Variants in ADRA1A observed in about 807,000 individuals in gnomAD.
The protein encoded by ADRA1A is alpha-1A adrenergic receptor.
A neutral mutation model predicts 29.6 loss-of-function variants in ADRA1A; 31 were observed. The observed-to-expected ratio is 1.05, with a 90% CI of 0.79 to 1.41. The LOEUF (loss-of-function observed/expected upper bound fraction) is 1.41. ADRA1A is among the 40% of genes most tolerant of loss of function. ADRA1A has a pLI of 0.00. For synonymous variants in ADRA1A, 311 were observed against 254.3 expected (o/e 1.22, Z -2.12); for missense variants, 619 against 601.1 (o/e 1.03, Z -0.31).
chr8:26,830,504 C>T (rs976332365), intron 2 of ADRA1A, among the ~76,000 whole-genome samples: 7 of 152,118 alleles, frequency 4.6e-5, no homozygotes, highest in Non-Finnish European at 8.8e-5. Context: ...AAAGATGACA[C>T]CCTGAAGCCA....
Position 26,790,594 on chromosome 8 carries a change from G to T in ADRA1A, c.884-19928C>A, listed in dbSNP as rs555080162. Among the ~76,000 whole-genome samples the T allele has an allele frequency of 2.6e-5, 4 of 152,230 alleles. No homozygotes were observed. In the East Asian group the frequency reaches 7.7e-4, roughly 29 times the overall value. On this transcript the variant is annotated intron_variant, in intron 2 of 2. Coordinates refer to ENST00000380573, the MANE Select transcript of ADRA1A (RefSeq NM_000680.4). ...GTTGTGATATATTGTTGGATGGCTA[G>T]AACAGTTTGAATGTTTCCAACACAA...
At chr8:26,845,407 A>G (rs577136692) in intron 2 of ADRA1A, among the ~76,000 whole-genome samples, 162 of 152,342 alleles carry the variant, frequency 1.1e-3, no homozygotes, top group African/African-American at 3.2e-3. Context: ...CACACCCACT[A>G]GGATGGACAT....
chr8:26,802,828 T>A (rs1342615791), intron 2 of ADRA1A, among the ~76,000 whole-genome samples: 1 of 152,136 alleles, frequency 6.6e-6, no homozygotes, highest in Admixed American at 6.5e-5. Flanking sequence ...AATCTAAGTA[T>A]CCATCAACAG....
At chr8:26,838,066 T>G (rs1394272830) in intron 2 of ADRA1A, among the ~76,000 whole-genome samples, 2 of 152,238 alleles carry the variant, frequency 1.3e-5, no homozygotes, top group Non-Finnish European at 2.9e-5. Flanking sequence ...TTCTCAGGAC[T>G]GTGCAAAGTT....
At chr8:26,770,810 A>C in intron 2 of ADRA1A, 144 bp from the exon 3 acceptor site, 1 of 1,198,890 alleles carries the variant, frequency 8.3e-7, no homozygotes, top group South Asian at 1.7e-5. Flanking sequence ...CATTTGACTG[A>C]CTAGCTCCTA....
chr8:26,777,644 G>A (rs1297930307), intron 2 of ADRA1A, among the ~76,000 whole-genome samples: 2 of 152,174 alleles, frequency 1.3e-5, no homozygotes, highest in African/African-American at 4.8e-5. Flanking sequence ...TGAGAGTGTT[G>A]GCATGTGGAG....
intron 2 of ADRA1A, chr8:26,854,728 C>T (rs947707321): frequency 6.6e-6 from 1 of 152,294 alleles, no homozygotes; most frequent in Admixed American, 6.5e-5. Context: ...GTCAAACCCT[C>T]TCTGACTACT....
chr8:26,811,779 T>A (rs1448844195), intron 2 of ADRA1A, among the ~76,000 whole-genome samples: 2 of 152,210 alleles, frequency 1.3e-5, no homozygotes, highest in Non-Finnish European at 2.9e-5. Context: ...TCTCTGACAC[T>A]ACAGCTTAGT....
At chr8:26,836,130 A>G in intron 2 of ADRA1A, 1 of 209,562 alleles carries the variant, frequency 4.8e-6, no homozygotes, top group Non-Finnish European at 1.1e-5. Context: ...ACAGAGGTGG[A>G]AGTCCAGGAA....
At chr8:26,826,487 C>G (rs1563285073) in intron 2 of ADRA1A, among the ~76,000 whole-genome samples, 1 of 152,166 alleles carries the variant, frequency 6.6e-6, no homozygotes, top group African/African-American at 2.4e-5. Flanking sequence ...ATAAAGATGA[C>G]TACATTGTAT....
rs1808168456 is a variant in ADRA1A, at chr8:26,796,019, A to G, written c.884-25353T>C. Among the ~76,000 whole-genome samples, 1 of 152,148 alleles carries G rather than the reference A, an allele frequency of 6.6e-6. No homozygotes were observed. Among genetic ancestry groups the G allele is most frequent in the Non-Finnish European group, 1.5e-5 (1 of 68,024 alleles). ...TGAAGATATATGATAATATAAAATT[A>G]TTGTCAGCTTTTGTTTAGATATAAT... On this transcript the variant is annotated intron_variant, in intron 2 of 2. Coordinates refer to ENST00000380573, the MANE Select transcript of ADRA1A (RefSeq NM_000680.4). This position sits in a 1 kb window ranked among gnomAD's most constrained non-coding sequence, Gnocchi z 5.0.
chr8:26,830,800 A>G (rs1810923714), intron 2 of ADRA1A, among the ~76,000 whole-genome samples: 1 of 152,198 alleles, frequency 6.6e-6, no homozygotes, highest in Non-Finnish European at 1.5e-5. Flanking sequence ...GGCTTGTGTT[A>G]ACTCTTTTGG....
intron 2 of ADRA1A, among the ~76,000 whole-genome samples, chr8:26,786,094 A>G (rs902953329): frequency 4.6e-5 from 7 of 152,130 alleles, no homozygotes; most frequent in African/African-American, 1.7e-4. Context: ...AACACTTTCC[A>G]GTACTCTTAG....
downstream of ADRA1A, among the ~76,000 whole-genome samples, chr8:26,756,057 T>C (rs1805149246): frequency 6.6e-6 from 1 of 152,238 alleles, no homozygotes; most frequent in Admixed American, 6.5e-5. Flanking sequence ...TCTTATTTCA[T>C]CTATCACACT....
In ADRA1A at chr8:26,769,187, T is replaced by A. The variant is rs61760506; in HGVS notation, c.*962A>T. The stretch of plus-strand genomic sequence containing the variant: ...TAAGCTCTGGATTTTCATAACAGAG[T>A]TCTGGAACAGGTAAGTGATTTGTCA... On this transcript the variant is annotated 3_prime_UTR_variant, in exon 3 of 3. Transcript: ENST00000380573. The A allele has an allele frequency of 1.0e-6, 1 of 985,224 alleles. No individual in the cohort carries two copies. Among genetic ancestry groups the A allele is most frequent in the East Asian group, 1.1e-4 (1 of 8,812 alleles). The allele number at this position is 985,224 out of a possible 1,614,324, so 61.0% of individuals were successfully genotyped here. A position where few individuals can be genotyped will look rare whatever the true frequency, so the allele number is the denominator to read the frequency against.
intron 2 of ADRA1A, among the ~76,000 whole-genome samples, chr8:26,836,756 G>C (rs1811393750): frequency 6.6e-6 from 1 of 152,180 alleles, no homozygotes; most frequent in South Asian, 2.1e-4. Flanking sequence ...AAACTACAAA[G>C]AGATGTGAGA....
In ADRA1A at chr8:26,864,529, C is replaced by G. The variant is rs1180850671; in HGVS notation, c.441G>C (p.Leu147=). The G allele has an allele frequency of 1.2e-6, 2 of 1,614,116 alleles. No individual in the cohort carries two copies. The highest frequency in any genetic ancestry group is 3.3e-5 in the Admixed American group (2 of 60,026). The change falls in exon 2 of 3, where the codon CTG becomes CTC. Residue 147 remains leucine (L), a synonymous_variant. Coordinates refer to ENST00000380573, the MANE Select transcript of ADRA1A (RefSeq NM_000680.4). The surrounding 1 kb of genome is among the most constrained non-coding windows in gnomAD (Gnocchi z 8.1). ...IVTQRRGLMA[L]LCVWALSLVI... is the part of the protein sequence containing the mutation. ...CCAGGGAGAGTGCCCAGACGCAGAG[C>G]AGAGCCATGAGACCCCTCCTCTGGG...
rs943049216 is a variant in ADRA1A at position 26,805,166 on chromosome 8, C to T, written c.884-34500G>A. ...AAAACGTCAGTTATATTGTGTCCCA[C>T]TGTGACGACCAAGAATGGGGCTCTC... On this transcript the variant is annotated intron_variant, in intron 2 of 2. Coordinates refer to ENST00000380573, the MANE Select transcript of ADRA1A (RefSeq NM_000680.4). The surrounding 1 kb of genome is among the most constrained non-coding windows in gnomAD (Gnocchi z 4.8). Among the ~76,000 whole-genome samples the T allele has an allele frequency of 6.6e-6, 1 of 152,234 alleles. No individual in the cohort carries two copies. Among genetic ancestry groups the T allele is most frequent in the Non-Finnish European group, 1.5e-5 (1 of 68,042 alleles).
At chr8:26,752,075 G>T (rs1001763224), downstream of ADRA1A, among the ~76,000 whole-genome samples, 3 of 148,988 alleles carry the variant, frequency 2.0e-5, no homozygotes, top group Non-Finnish European at 3.0e-5. Context: ...TGGCAATTTT[G>T]TTTTTTTTTT....
Sources: allele counts gnomAD v4.1 joint callset (sites outside exome capture counted in the v4.1 genomes callset), GRCh38; gene constraint gnomAD v4.1.1; non-coding constraint Gnocchi (gnomAD v3.1); transcripts MANE v1.5; gene names NCBI Gene and HGNC (gene_info 2026-07-23, HGNC 2026-07-21).